The following APC variants were observed in gnomAD, a reference collection of about 807,000 sequenced individuals.
APC encodes the protein adenomatous polyposis coli protein.
A neutral mutation model predicts 247.0 loss-of-function variants in APC; 72 were observed. The observed-to-expected ratio is 0.29, with a 90% CI of 0.24 to 0.35. APC has a LOEUF of 0.35. Among genes scored for constraint, APC ranks in the 10% least tolerant of loss-of-function variants. The probability of loss-of-function intolerance (pLI) is 1.00; values close to 1 mark genes in which losing one functional copy is unlikely to be tolerated. For synonymous variants in APC, 1,254 were observed against 1,162.5 expected (o/e 1.08, Z -1.60); for missense variants, 3,400 against 3,360.7 (o/e 1.01, Z -0.29).
upstream of APC, chr5:112,737,751 A>G (rs1752491988): frequency 1.3e-6 from 1 of 788,638 alleles, no homozygotes; most frequent in Non-Finnish European, 1.5e-6. Flanking sequence ...CGGGAAGCGG[A>G]GAGAGAAGCA....
intron 2 of APC, among the ~76,000 whole-genome samples, chr5:112,763,204 A>C (rs1755859788): frequency 6.6e-6 from 1 of 152,128 alleles, no homozygotes; most frequent in Admixed American, 6.5e-5. Flanking sequence ...CTATTTTATT[A>C]AATTAGGAAG....
At chr5:112,709,686 G>A (rs953518608) in intron 1 of APC, among the ~76,000 whole-genome samples, 1 of 152,166 alleles carries the variant, frequency 6.6e-6, no homozygotes, top group African/African-American at 2.4e-5. Context: ...TGGATCGCAT[G>A]AGTCCAGGAG....
intron 1 of APC, among the ~76,000 whole-genome samples, chr5:112,730,313 G>T (rs1752037364): frequency 6.6e-6 from 1 of 152,184 alleles, no homozygotes; most frequent in South Asian, 2.1e-4. Flanking sequence ...AACTTTTTAT[G>T]AGGGATGAGG....
At chr5:112,786,708 T>C (rs1387819336) in intron 6 of APC, among the ~76,000 whole-genome samples, 1 of 152,152 alleles carries the variant, frequency 6.6e-6, no homozygotes, top group Non-Finnish European at 1.5e-5. Flanking sequence ...ACTTAAAGTA[T>C]TAAAAAAGAA....
In APC at chr5:112,841,013, GACA is replaced by G. The variant is rs587782002; in HGVS notation, c.5424_5426del (p.Asn1808del). On this transcript the variant is annotated inframe_deletion, in exon 16 of 16. Transcript: ENST00000257430. This position sits in a 1 kb window ranked among gnomAD's most constrained non-coding sequence, Gnocchi z 4.6. ...TTTAAATGCTGAGAGAGTTTTCTCA[GACA>G]ACAAAGATTCAAAGAAACAGAATTT... 63 of 1,611,248 alleles carry G rather than the reference GACA, an allele frequency of 3.9e-5. No individual in the cohort carries two copies. The highest frequency in any genetic ancestry group is 5.0e-5 in the Non-Finnish European group (59 of 1,177,724).
At chr5:112,753,894 C>T (rs1754659532) in intron 1 of APC, among the ~76,000 whole-genome samples, 1 of 152,128 alleles carries the variant, frequency 6.6e-6, no homozygotes, top group South Asian at 2.1e-4. Flanking sequence ...TTAAGATAGG[C>T]AGGATTTTAT....
intron 10 of APC, among the ~76,000 whole-genome samples, chr5:112,821,199 T>C (rs941450847): frequency 7.9e-5 from 12 of 151,942 alleles, no homozygotes; most frequent in Non-Finnish European, 1.5e-5. Context: ...CTCATGATAG[T>C]AGTTTAAATA....
rs1239759650 is a variant in APC, at chr5:112,834,408, A to AT, written c.1744-534dup. ...AGGCACCTGCCATGAAGCCCGGCTA[A>AT]TTTTTTTTTGTATTTTTGTAGAGAC... On this transcript the variant is annotated intron_variant, in intron 14 of 15. Transcript: ENST00000257430. 2.1e-3 allele frequency among the ~76,000 whole-genome samples: 311 copies of AT among 149,832 alleles called. 4 individuals are homozygous for AT. Among genetic ancestry groups the AT allele is most frequent in the Admixed American group, 0.017 (249 of 15,014 alleles).
Position 112,845,419 on chromosome 5 carries a change from CA to C in APC, c.*1294del. 1 of 233,124 alleles carries C rather than the reference CA, an allele frequency of 4.3e-6. No individual in the cohort carries two copies. The highest frequency in any genetic ancestry group is 1.8e-4 in the South Asian group (1 of 5,522). 14.4% of individuals were successfully genotyped at this position (233,124 alleles called of 1,614,324 possible). ...ACATTGCAGTCTCTTCGAGGCTTTACAGTGTAAACTGTCTTGCCCCTTCATC... is the reference window on the plus strand; with the variant it reads ...ACATTGCAGTCTCTTCGAGGCTTTACGTGTAAACTGTCTTGCCCCTTCATC... On this transcript the variant is annotated 3_prime_UTR_variant, in exon 16 of 16. Transcript: ENST00000257430.
rs778699501 is a variant in APC, at chr5:112,840,128, G to A, written c.4534G>A (p.Asp1512Asn). Residue 1512 changes from aspartate (D) to asparagine (N), a missense_variant, in exon 16 of 16, where the codon GAT becomes AAT. By Grantham distance (23) the Asp-to-Asn change is conservative. This residue lies in a region of APC where 1,788 missense variants were observed against 1,649.5 expected (regional missense o/e 1.08). Coordinates refer to ENST00000257430, the MANE Select transcript of APC (RefSeq NM_000038.6). This position sits in a 1 kb window ranked among gnomAD's most constrained non-coding sequence, Gnocchi z 4.1. Reference protein sequence around the residue: ...CSSSLSALSLDEPFIQKDVEL... With the variant: ...CSSSLSALSLNEPFIQKDVEL... ...ATCCAGCCTGAGTGCTCTGAGCCTC[G>A]ATGAGCCATTTATACAGAAAGATGT... The A allele has an allele frequency of 1.5e-5, 24 of 1,613,980 alleles. No individual in the cohort carries two copies. Among genetic ancestry groups the A allele is most frequent in the African/African-American group, 2.7e-5 (2 of 74,892 alleles).
intron 11 of APC, among the ~76,000 whole-genome samples, chr5:112,826,392 T>G (rs1258990102): frequency 6.6e-6 from 1 of 152,154 alleles, no homozygotes; most frequent in Non-Finnish European, 1.5e-5. Flanking sequence ...ACCTTTGTTT[T>G]CTCCTTGACT....
chr5:112,738,358 A>T lies in APC; in HGVS notation c.-19+433A>T. On this transcript the variant is annotated intron_variant, in intron 1 of 15. Transcript: ENST00000257430. ...TTTTCCTCCCTGGCGACAAGGACACATGCATTGGTGGCCAAAAGAGAGAGG... is the reference window on the plus strand; with the variant it reads ...TTTTCCTCCCTGGCGACAAGGACACTTGCATTGGTGGCCAAAAGAGAGAGG... 6 of 985,624 alleles carry T rather than the reference A, an allele frequency of 6.1e-6. No individual in the cohort carries two copies. The South Asian group carries it at 2.3e-4, about 39-fold the overall frequency. 61.1% of individuals were successfully genotyped at this position (985,624 alleles called of 1,614,324 possible).
chr5:112,758,263 A>G (rs1438259925), intron 2 of APC, among the ~76,000 whole-genome samples: 1 of 152,120 alleles, frequency 6.6e-6, no homozygotes, highest in Non-Finnish European at 1.5e-5. Context: ...TGTGTAGTGT[A>G]TTTTTTACTC....
In APC at chr5:112,839,166, A is replaced by T. The variant is rs762443695; in HGVS notation, c.3572A>T (p.Gln1191Leu). The change falls in exon 16 of 16, where the codon CAG becomes CTG. Residue 1191 changes from glutamine (Q) to leucine (L), a missense_variant. By Grantham distance (113) the Gln-to-Leu change is moderately radical. Transcript: ENST00000257430. This position sits in a 1 kb window ranked among gnomAD's most constrained non-coding sequence, Gnocchi z 5.0. The part of the protein sequence containing the change: ...LKYATDIPSS[Q>L]KQSFSFSKSS... ...TATGCCACAGATATTCCTTCATCAC[A>T]GAAACAGTCATTTTCATTCTCAAAG... is the stretch of plus-strand genomic sequence containing the variant. 1.2e-6 allele frequency: 2 copies of T among 1,614,158 alleles called. No homozygotes were observed. Among genetic ancestry groups the T allele is most frequent in the South Asian group, 2.2e-5 (2 of 91,084 alleles).
upstream of APC, among the ~76,000 whole-genome samples, chr5:112,737,685 G>A (rs1221836417): frequency 1.3e-5 from 2 of 152,244 alleles, no homozygotes; most frequent in Non-Finnish European, 2.9e-5. Context: ...ACGGGGCTAG[G>A]GCTAGGCAGG....
At chr5:112,827,070 A>G (rs1763746613) in intron 11 of APC, 38 bp from the exon 12 acceptor site, 1 of 1,609,960 alleles carries the variant, frequency 6.2e-7, no homozygotes, top group Non-Finnish European at 8.5e-7. Flanking sequence ...GTTTTATTTT[A>G]GATGATTGTC....
At chr5:112,723,985 T>C (rs1751628173) in intron 1 of APC, among the ~76,000 whole-genome samples, 1 of 152,266 alleles carries the variant, frequency 6.6e-6, no homozygotes, top group South Asian at 2.1e-4. Context: ...GAGCAGAGTT[T>C]CAGGAAGTCA....
intron 2 of APC, among the ~76,000 whole-genome samples, chr5:112,761,705 T>A (rs770064885): frequency 2.0e-5 from 3 of 152,178 alleles, no homozygotes; most frequent in Non-Finnish European, 4.4e-5. Flanking sequence ...TTAAACAGAA[T>A]GCCAAAGCAC....
Position 112,821,936 on chromosome 5 carries a change from T to C in APC, c.1353T>C (p.Cys451=), listed in dbSNP as rs1387916046. The change falls in exon 11 of 16, where the codon TGT becomes TGC. Residue 451 remains cysteine (C), a synonymous_variant. Transcript: ENST00000257430. ...PVEHQICPAV[C]VLMKLSFDEE... is the part of the protein sequence containing the mutation. ...AACATCAGATCTGTCCTGCTGTGTG[T>C]GTTCTAATGAAACTTTCATTTGATG... 1.9e-6 allele frequency: 3 copies of C among 1,613,540 alleles called. No individual in the cohort carries two copies. Among genetic ancestry groups the C allele is most frequent in the African/African-American group, 2.7e-5 (2 of 75,036 alleles).
Sources: gnomAD v4.1 joint callset for allele counts (sites outside exome capture counted in the v4.1 genomes callset) on GRCh38, gnomAD v4.1.1 for gene constraint, gnomAD v4.1.1 regional missense constraint, Gnocchi (gnomAD v3.1) non-coding constraint, MANE v1.5 for transcripts, NCBI Gene and HGNC (gene_info 2026-07-23, HGNC 2026-07-21) for gene names.